The following NUDT3 variants were observed in gnomAD, a reference collection of about 807,000 sequenced individuals.
NUDT3 encodes the protein nudix hydrolase 3.
NUDT3 carries 9 observed loss-of-function variants against 23.6 expected under a neutral mutation model. The observed-to-expected ratio is 0.38, with a 90% CI of 0.23 to 0.66. NUDT3 has a LOEUF of 0.66. NUDT3 is among the 30% of genes least tolerant of loss of function. The pLI is 0.52. For missense variants in NUDT3, 172 were observed against 218.5 expected (o/e 0.79, Z 1.34); for synonymous variants, 86 against 82.6 (o/e 1.04, Z -0.22).
At chr6:34,377,185 T>C (rs981942938) in intron 1 of NUDT3, among the ~76,000 whole-genome samples, 6 of 152,196 alleles carry the variant, frequency 3.9e-5, no homozygotes, top group Non-Finnish European at 8.8e-5. Context: ...CCAAGGCACA[T>C]AATGCAGCCA....
intron 3 of NUDT3, among the ~76,000 whole-genome samples, chr6:34,294,670 G>A (rs1330588791): frequency 1.3e-5 from 2 of 151,302 alleles, no homozygotes; most frequent in African/African-American, 4.9e-5. Context: ...AGGTTGTGGT[G>A]AGCCGACATC....
At position 34,322,946 on chromosome 6, in the gene NUDT3, G is replaced by A. The variant is rs116874045; in HGVS notation, c.210+18916C>T. 2.1e-3 allele frequency among the ~76,000 whole-genome samples: 320 copies of A among 152,298 alleles called. 1 individual carries two copies. The highest frequency in any genetic ancestry group is 0.011 in the East Asian group (56 of 5,186). On this transcript the variant is annotated intron_variant, in intron 2 of 4. Coordinates refer to ENST00000607016, the MANE Select transcript of NUDT3 (RefSeq NM_006703.4). ...AACAAAGAACGAAATAATGTCCTTT[G>A]CAGCAACATGGTTACAGCTGGAGCC... is the stretch of plus-strand genomic sequence containing the variant.
At chr6:34,308,225 A>G (rs1763714010) in intron 2 of NUDT3, among the ~76,000 whole-genome samples, 1 of 139,916 alleles carries the variant, frequency 7.1e-6, no homozygotes, top group South Asian at 2.4e-4. Flanking sequence ...AGGGAGGCGG[A>G]GGTGGGAGGA....
At chr6:34,345,631 C>A (rs1421945001) in intron 1 of NUDT3, among the ~76,000 whole-genome samples, 10 of 138,414 alleles carry the variant, frequency 7.2e-5, no homozygotes, top group Admixed American at 6.3e-4. Context: ...CCACGGCAGT[C>A]TAGCATGGGC....
In NUDT3 at chr6:34,288,427, C is replaced by T. The variant is rs373392065; in HGVS notation, c.*326G>A. ...ACGTCTGGCCAGGGCCAGGATAAGA[C>T]AAACAGGAACACTTCAGAATCCAAG... On this transcript the variant is annotated 3_prime_UTR_variant, in exon 5 of 5. Transcript: ENST00000607016. 3.5e-5 allele frequency: 8 copies of T among 228,802 alleles called. No individual in the cohort carries two copies. In the East Asian group the frequency reaches 3.9e-4, roughly 11 times the overall value. The allele number at this position is 228,802 out of a possible 1,614,324, so 14.2% of individuals were successfully genotyped here.
chr6:34,289,245 G>C (rs1376171362), intron 4 of NUDT3, among the ~76,000 whole-genome samples: 1 of 152,068 alleles, frequency 6.6e-6, no homozygotes, highest in Non-Finnish European at 1.5e-5. Flanking sequence ...AGGGATCAAA[G>C]CCCAGCAGCA....
chr6:34,370,265 C>T (rs1257082239), intron 1 of NUDT3, among the ~76,000 whole-genome samples: 1 of 152,162 alleles, frequency 6.6e-6, no homozygotes, highest in Non-Finnish European at 1.5e-5. Context: ...ACTTACTTTT[C>T]TCACTAACAG....
At chr6:34,295,966 A>G (rs10947494) in intron 2 of NUDT3, among the ~76,000 whole-genome samples, 56,250 of 152,038 alleles carry the variant, frequency 0.37, 13,247 homozygotes, top group Middle Eastern at 0.53. Flanking sequence ...CAGGCCATGA[A>G]GCCACCACAC....
chr6:34,368,696 T>C (rs945918438), intron 1 of NUDT3, among the ~76,000 whole-genome samples: 7 of 152,176 alleles, frequency 4.6e-5, no homozygotes, highest in Admixed American at 2.6e-4. Context: ...TGGAGTGCAG[T>C]GGCGCACTCT....
intron 2 of NUDT3, among the ~76,000 whole-genome samples, chr6:34,311,918 T>A (rs1763779600): frequency 6.6e-6 from 1 of 152,034 alleles, no homozygotes; most frequent in South Asian, 2.1e-4. Context: ...TTAAAAAAAA[T>A]TAACTCAAAA....
chr6:34,329,744 T>C (rs1162530192), intron 2 of NUDT3, among the ~76,000 whole-genome samples: 2 of 152,204 alleles, frequency 1.3e-5, no homozygotes, highest in Non-Finnish European at 2.9e-5. Flanking sequence ...GTTGGTGTGC[T>C]GCACCCATTA....
chr6:34,286,399 G>C lies in NUDT3; in HGVS notation c.*2354C>G, dbSNP rs1763334151. The C allele has an allele frequency of 6.6e-6, 1 of 152,202 alleles. No homozygotes were observed. Among genetic ancestry groups the C allele is most frequent in the African/African-American group, 2.4e-5 (1 of 41,436 alleles). 9.4% of individuals were successfully genotyped at this position (152,202 alleles called of 1,614,324 possible). ...CCCAGCCCTGCAGTCCCTTTTTAAA[G>C]AGTACTGACTGTTTTCCTGCAAAGT... is the stretch of plus-strand genomic sequence containing the variant. On this transcript the variant is annotated 3_prime_UTR_variant, in exon 5 of 5. Coordinates refer to ENST00000607016, the MANE Select transcript of NUDT3 (RefSeq NM_006703.4).
intron 1 of NUDT3, among the ~76,000 whole-genome samples, chr6:34,381,466 A>T (rs750157754): frequency 6.6e-6 from 1 of 152,060 alleles, no homozygotes; most frequent in Non-Finnish European, 1.5e-5. Flanking sequence ...AAAATGACCC[A>T]TACACCCTGG....
At chr6:34,358,704 C>T (rs1343516993) in intron 1 of NUDT3, among the ~76,000 whole-genome samples, 4 of 152,116 alleles carry the variant, frequency 2.6e-5, no homozygotes, top group South Asian at 2.1e-4. Context: ...CCACGCCTCA[C>T]AGGGGGGCCA....
chr6:34,336,679 G>A (rs1764213774), intron 2 of NUDT3, among the ~76,000 whole-genome samples: 1 of 151,398 alleles, frequency 6.6e-6, no homozygotes, highest in Non-Finnish European at 1.5e-5. Context: ...GTGTTTACTT[G>A]TAGTAGTTTT....
At chr6:34,367,274 G>T (rs1764750427) in intron 1 of NUDT3, among the ~76,000 whole-genome samples, 2 of 152,038 alleles carry the variant, frequency 1.3e-5, no homozygotes. Flanking sequence ...CTGAGGTCAG[G>T]AGTTTGAGAC....
chr6:34,309,607 G>T (rs1299467789), intron 2 of NUDT3, among the ~76,000 whole-genome samples: 1 of 151,724 alleles, frequency 6.6e-6, no homozygotes, highest in African/African-American at 2.4e-5. Context: ...TATTTAAAAG[G>T]TCAGTAAAAT....
intron 1 of NUDT3, among the ~76,000 whole-genome samples, chr6:34,351,198 TAAAAAAAAAA>T (rs71000051): frequency 0.035 from 626 of 17,888 alleles, 50 homozygotes; most frequent in African/African-American, 0.092. Context: ...CTCCCCTGCC[TAAAAAAAAAA>T]AAAAAAAAAA....
intron 2 of NUDT3, among the ~76,000 whole-genome samples, chr6:34,330,145 A>G (rs1764106172): frequency 6.6e-6 from 1 of 152,224 alleles, no homozygotes; most frequent in African/African-American, 2.4e-5. Context: ...CATGATTTAT[A>G]ATCCTTTGGG....
Sources: gnomAD v4.1 joint callset for allele counts (sites outside exome capture counted in the v4.1 genomes callset) on GRCh38, gnomAD v4.1.1 for gene constraint, MANE v1.5 for transcripts, NCBI Gene and HGNC (gene_info 2026-07-23, HGNC 2026-07-21) for gene names.